Variants in TRIM31 observed in about 807,000 individuals in gnomAD.
TRIM31 encodes the protein E3 ubiquitin-protein ligase TRIM31.
Under a neutral mutation model 40.6 loss-of-function variants are expected in TRIM31, and 31 were observed. That is an observed-to-expected ratio of 0.76 (90% CI 0.57 to 1.03). The LOEUF is 1.03. TRIM31 is among the 50% of genes least tolerant of loss of function. TRIM31 has a pLI of 0.00. For synonymous variants in TRIM31, 164 were observed against 193.9 expected (o/e 0.85, Z 1.28); for missense variants, 455 against 497.5 (o/e 0.91, Z 0.81).
chr6:30,112,375 C>T lies in TRIM31; in HGVS notation c.417+14G>A. On this transcript the variant is annotated intron_variant, in intron 2 of 8. Coordinates refer to ENST00000376734, the MANE Select transcript of TRIM31 (RefSeq NM_007028.5). Reference sequence around the variant, plus strand: ...GGCTGATGGGGGAACAGGGAAGAAACCTCAAATGCCTACCTGATAATTCTG... The same window carrying T: ...GGCTGATGGGGGAACAGGGAAGAAATCTCAAATGCCTACCTGATAATTCTG... The T allele has an allele frequency of 1.9e-6, 3 of 1,596,544 alleles. No individual in the cohort carries two copies. The highest frequency in any genetic ancestry group is 1.1e-5 in the South Asian group (1 of 87,106).
chr6:30,108,261 G>A, intron 5 of TRIM31, 93 bp from the exon 6 acceptor site: 1 of 877,368 alleles, frequency 1.1e-6, no homozygotes, highest in Non-Finnish European at 1.9e-6. Context: ...ATGAGGGGAT[G>A]AAGACCTGGG....
At chr6:30,105,016 A>C in intron 7 of TRIM31, 152 bp downstream of exon 7, 1 of 703,886 alleles carries the variant, frequency 1.4e-6, no homozygotes, top group Non-Finnish European at 2.4e-6. Context: ...TGAGTTTAAA[A>C]TAATAAAACA....
At chr6:30,112,153 C>A (rs1769395939) in intron 2 of TRIM31, 5 of 577,572 alleles carry the variant, frequency 8.7e-6, no homozygotes, top group Non-Finnish European at 1.5e-5. Flanking sequence ...TGAGCCCAAA[C>A]CTTCTGAGTC....
Position 30,105,261 on chromosome 6 carries a change from G to A in TRIM31, c.884-19C>T. ...AGTTGGTCTGGGGAATAAAGAATGG[G>A]ATGAAATGGTGAGAGTCCAGAGGGG... On this transcript the variant is annotated intron_variant, in intron 6 of 8. Transcript: ENST00000376734. 2.5e-6 allele frequency: 4 copies of A among 1,604,086 alleles called. No homozygotes were observed. The highest frequency in any genetic ancestry group is 1.1e-5 in the South Asian group (1 of 90,532).
chr6:30,110,826 G>A, intron 3 of TRIM31, 148 bp from the exon 4 acceptor site: 1 of 746,574 alleles, frequency 1.3e-6, no homozygotes, highest in East Asian at 2.7e-5. Context: ...GGAAAGGAGA[G>A]GAGAACAAAC....
At chr6:30,109,718 T>C (rs1341121536) in intron 4 of TRIM31, among the ~76,000 whole-genome samples, 2 of 152,120 alleles carry the variant, frequency 1.3e-5, no homozygotes, top group Non-Finnish European at 2.9e-5. Context: ...CCGTGTCTGC[T>C]AAGAATACAA....
Position 30,105,151 on chromosome 6 carries a change from C to T in TRIM31, c.958+17G>A. 1 of 1,608,860 alleles carries T rather than the reference C, an allele frequency of 6.2e-7. No individual in the cohort carries two copies. The highest frequency in any genetic ancestry group is 8.5e-7 in the Non-Finnish European group (1 of 1,177,622). On this transcript the variant is annotated intron_variant, in intron 7 of 8. Transcript: ENST00000376734. ...TCCCCAAATGGCAGAAGCAACCAACCATCATTTCTCACTTACAGCTCTTCA... is the reference window on the plus strand; with the variant it reads ...TCCCCAAATGGCAGAAGCAACCAACTATCATTTCTCACTTACAGCTCTTCA...
At chr6:30,108,019 T>G (rs771513352) in intron 6 of TRIM31, 34 bp downstream of exon 6, 2 of 1,348,532 alleles carry the variant, frequency 1.5e-6, no homozygotes, top group South Asian at 1.2e-5. Context: ...CTCCTGGAAG[T>G]AGGTGAATAG....
intron 7 of TRIM31, among the ~76,000 whole-genome samples, chr6:30,104,580 A>G (rs1350380721): frequency 6.6e-6 from 1 of 152,210 alleles, no homozygotes; most frequent in African/African-American, 2.4e-5. Context: ...TAATGATCAT[A>G]TGACCTGGGT....
At chr6:30,108,927 T>C in intron 5 of TRIM31, 99 bp downstream of exon 5, 1 of 1,284,174 alleles carries the variant, frequency 7.8e-7, no homozygotes, top group East Asian at 2.3e-5. Context: ...GGTGGGTGGG[T>C]ATTTCTGAGA....
In TRIM31 at chr6:30,107,659, G is replaced by C. The variant is rs370273307; in HGVS notation, c.883+394C>G. On this transcript the variant is annotated intron_variant, in intron 6 of 8. Transcript: ENST00000376734. ...TTTTGAATTTATTTTCTCTTCTTCT[G>C]TAGGCAGGAGGAGACACCAGTGTGC... The C allele has an allele frequency of 3.1e-4, 51 of 162,620 alleles. 5 individuals are homozygous for C. Among genetic ancestry groups the C allele is most frequent in the East Asian group, 3.0e-3 (17 of 5,696 alleles). 10.1% of individuals were successfully genotyped at this position (162,620 alleles called of 1,614,324 possible).
At chr6:30,111,546 C>T in intron 3 of TRIM31, 102 bp downstream of exon 3, 1 of 1,200,046 alleles carries the variant, frequency 8.3e-7, no homozygotes, top group South Asian at 1.4e-5. Flanking sequence ...GAGGACATGG[C>T]TCACTGGATC....
At chr6:30,108,337 T>C (rs945300614) in intron 5 of TRIM31, 169 bp from the exon 6 acceptor site, 11 of 584,754 alleles carry the variant, frequency 1.9e-5, no homozygotes, top group Non-Finnish European at 3.4e-5. Flanking sequence ...GGCGGGTGGA[T>C]CACCTGAGGT....
chr6:30,104,084 C>G lies in TRIM31; in HGVS notation c.1024+18G>C. 1 of 1,612,434 alleles carries G rather than the reference C, an allele frequency of 6.2e-7. No homozygotes were observed. Among genetic ancestry groups the G allele is most frequent in the African/African-American group, 1.3e-5 (1 of 74,984 alleles). ...GTAGACTTAGAGGTCCCTTAGTATTCAGAGACAGGACTCTTACCTGCAGAA... is the reference window on the plus strand; with the variant it reads ...GTAGACTTAGAGGTCCCTTAGTATTGAGAGACAGGACTCTTACCTGCAGAA... On this transcript the variant is annotated intron_variant, in intron 8 of 8. Transcript: ENST00000376734.
At chr6:30,103,916 C>T in intron 8 of TRIM31, 127 bp from the exon 9 acceptor site, 1 of 1,477,270 alleles carries the variant, frequency 6.8e-7, no homozygotes, top group Non-Finnish European at 9.2e-7. Context: ...CAAGAAAGTA[C>T]ACCTGAACAA....
chr6:30,105,354 C>T, intron 6 of TRIM31, 112 bp from the exon 7 acceptor site: 1 of 777,368 alleles, frequency 1.3e-6, no homozygotes, highest in South Asian at 1.7e-5. Flanking sequence ...GTAGAAGCTG[C>T]ATTTGACTCT....
In TRIM31 at chr6:30,109,043, G is replaced by T. The variant is rs770712386; in HGVS notation, c.750C>A (p.Ile250=). The T allele has an allele frequency of 2.5e-5, 41 of 1,612,890 alleles. No individual in the cohort carries two copies. The highest frequency in any genetic ancestry group is 3.4e-5 in the Non-Finnish European group (40 of 1,180,022). Residue 250 remains isoleucine, a synonymous_variant, in exon 5 of 9, where the codon ATC becomes ATA. Transcript: ENST00000376734. ...CATCATACCTGCACAAGACGACTTT[G>T]ATATCCTAGAAGAGAAAGAGAAACA... ...NMPPRQLLED[I]KVVLCRSEEF...
intron 4 of TRIM31, among the ~76,000 whole-genome samples, chr6:30,109,683 C>G (rs551110386): frequency 6.6e-6 from 1 of 152,196 alleles, no homozygotes; most frequent in Admixed American, 6.5e-5. Context: ...GAGTTCGAGA[C>G]CATCCTGGCC....
At chr6:30,112,936 C>A in intron 1 of TRIM31, 48 bp from the exon 2 acceptor site, 7 of 794,438 alleles carry the variant, frequency 8.8e-6, no homozygotes, top group Middle Eastern at 3.0e-4. Context: ...AGAGATTCTG[C>A]CAATTAGTTA....
Sources: allele counts gnomAD v4.1 joint callset (sites outside exome capture counted in the v4.1 genomes callset), GRCh38; gene constraint gnomAD v4.1.1; transcripts MANE v1.5; gene names NCBI Gene and HGNC (gene_info 2026-07-23, HGNC 2026-07-21).